Variants in ZSWIM6 observed in about 807,000 individuals in gnomAD.
The protein encoded by ZSWIM6 is zinc finger SWIM-type containing 6, also known as zinc finger SWIM domain-containing protein 6.
ZSWIM6 carries 9 observed loss-of-function variants against 113.2 expected under a neutral mutation model. That is an observed-to-expected ratio of 0.08 (90% CI 0.05 to 0.14). The LOEUF (loss-of-function observed/expected upper bound fraction) is 0.14, where lower values mean the gene tolerates loss of function less well. Ranked by LOEUF, ZSWIM6 falls within the 10% of genes least tolerant of loss-of-function variation. ZSWIM6 has a pLI of 1.00. For synonymous variants in ZSWIM6, 611 were observed against 606.5 expected (o/e 1.01, Z -0.11); for missense variants, 1,162 against 1,552.2 (o/e 0.75, Z 4.22).
At chr5:61,414,545 A>G (rs1746209949) in intron 1 of ZSWIM6, among the ~76,000 whole-genome samples, 1 of 152,222 alleles carries the variant, frequency 6.6e-6, no homozygotes, top group Non-Finnish European at 1.5e-5. Context: ...TCCTGTGCCA[A>G]CTATAAAATT....
chr5:61,447,102 ACTAAGCAGGCCCAACC>A (rs1746970664), intron 1 of ZSWIM6, among the ~76,000 whole-genome samples: 1 of 152,154 alleles, frequency 6.6e-6, no homozygotes, highest in Non-Finnish European at 1.5e-5. Flanking sequence ...AACATCATGT[ACTAAGCAGGCCCAACC>A]CTGCTTAGAA....
chr5:61,490,498 T>A (rs1254173511), intron 2 of ZSWIM6, among the ~76,000 whole-genome samples: 1 of 152,116 alleles, frequency 6.6e-6, no homozygotes, highest in Non-Finnish European at 1.5e-5. Flanking sequence ...TGAAACACTT[T>A]TGTGAATTTG....
intron 6 of ZSWIM6, 32 bp downstream of exon 6, chr5:61,526,008 G>T: frequency 1.3e-6 from 2 of 1,549,916 alleles, no homozygotes; most frequent in South Asian, 1.2e-5. Flanking sequence ...ACATTTCCAT[G>T]ACTTACTTCT....
chr5:61,450,851 C>T (rs1303196181), intron 1 of ZSWIM6, among the ~76,000 whole-genome samples: 2 of 152,118 alleles, frequency 1.3e-5, no homozygotes, highest in Non-Finnish European at 2.9e-5. Flanking sequence ...ACCCCAGGAA[C>T]ATTTGCCATG....
At chr5:61,364,402 A>G (rs1479142291) in intron 1 of ZSWIM6, among the ~76,000 whole-genome samples, 2 of 152,256 alleles carry the variant, frequency 1.3e-5, no homozygotes, top group Non-Finnish European at 2.9e-5. Context: ...TGTAGCCTGC[A>G]AACTAAGAAT....
At chr5:61,465,919 C>T (rs570057975) in intron 1 of ZSWIM6, among the ~76,000 whole-genome samples, 1 of 152,252 alleles carries the variant, frequency 6.6e-6, no homozygotes, top group South Asian at 2.1e-4. Context: ...TAATGTCTTT[C>T]TATAAGCTGT....
chr5:61,404,565 A>C (rs923301310), intron 1 of ZSWIM6, among the ~76,000 whole-genome samples: 2 of 152,218 alleles, frequency 1.3e-5, no homozygotes, highest in African/African-American at 4.8e-5. Flanking sequence ...TAAAGAGAAA[A>C]GTTCTATAGC....
intron 2 of ZSWIM6, among the ~76,000 whole-genome samples, chr5:61,480,867 G>A (rs1188865251): frequency 2.6e-5 from 4 of 151,976 alleles, no homozygotes; most frequent in South Asian, 2.1e-4. Context: ...GTAAGCCACC[G>A]ATTTAATGTT....
At chr5:61,380,168 C>T (rs1745446317) in intron 1 of ZSWIM6, among the ~76,000 whole-genome samples, 1 of 152,150 alleles carries the variant, frequency 6.6e-6, no homozygotes, top group Non-Finnish European at 1.5e-5. Context: ...CTCCACCTCC[C>T]AGGTTCAAGT....
chr5:61,527,317 A>G (rs1369925203), intron 7 of ZSWIM6, among the ~76,000 whole-genome samples: 2 of 152,102 alleles, frequency 1.3e-5, no homozygotes, highest in Non-Finnish European at 2.9e-5. Flanking sequence ...TAAGAGGGAT[A>G]GTTTTAGTTG....
Position 61,494,357 on chromosome 5 carries a change from G to A in ZSWIM6, c.1280G>A (p.Arg427Gln), listed in dbSNP as rs988985707. 12 of 1,550,956 alleles carry A rather than the reference G, an allele frequency of 7.7e-6. No individual in the cohort carries two copies. The highest frequency in any genetic ancestry group is 2.0e-5 in the Admixed American group (1 of 50,950). ...FMADPRLSLW[R>Q]QQGTAMTDKY... ...GCTGACCCTCGCCTGTCACTTTGGCGGCAACAAGGCACTGCAATGACTGAC... is the reference window on the plus strand; with the variant it reads ...GCTGACCCTCGCCTGTCACTTTGGCAGCAACAAGGCACTGCAATGACTGAC... The change falls in exon 4 of 14, where the codon CGG becomes CAG. Residue 427 changes from arginine to glutamine, a missense_variant. Physicochemically the swap from Arg to Gln is conservative, Grantham distance 43. Around this residue, in one of 4 missense-constraint regions of ZSWIM6, gnomAD observed 620 missense variants for 804.6 expected, o/e 0.77. Transcript: ENST00000252744.
intron 1 of ZSWIM6, among the ~76,000 whole-genome samples, chr5:61,397,958 G>A (rs1302318054): frequency 6.6e-6 from 1 of 152,204 alleles, no homozygotes; most frequent in Non-Finnish European, 1.5e-5. Context: ...TCATTTTCAT[G>A]TCTATACTTA....
intron 9 of ZSWIM6, among the ~76,000 whole-genome samples, chr5:61,535,189 A>G (rs553754230): frequency 6.6e-5 from 10 of 152,320 alleles, no homozygotes; most frequent in African/African-American, 2.2e-4. Context: ...GTTTTACGCT[A>G]TAGAGGGTTC....
chr5:61,530,320 C>T (rs1211848258), intron 8 of ZSWIM6, 122 bp downstream of exon 8: 2 of 998,926 alleles, frequency 2.0e-6, no homozygotes, highest in Non-Finnish European at 2.8e-6. Flanking sequence ...CTTTGGTTAG[C>T]AAGAGAGCAA....
intron 1 of ZSWIM6, among the ~76,000 whole-genome samples, chr5:61,337,099 G>A (rs1744415843): frequency 1.3e-5 from 2 of 152,106 alleles, no homozygotes; most frequent in Non-Finnish European, 2.9e-5. Context: ...TGGCCAACAG[G>A]GCGAAACCTC....
chr5:61,388,725 C>T (rs1745642677), intron 1 of ZSWIM6, among the ~76,000 whole-genome samples: 1 of 152,216 alleles, frequency 6.6e-6, no homozygotes, highest in Non-Finnish European at 1.5e-5. Flanking sequence ...ATACTCTTAA[C>T]TGCTTTGCTG....
intron 1 of ZSWIM6, among the ~76,000 whole-genome samples, chr5:61,401,525 C>T (rs1046264728): frequency 1.3e-5 from 2 of 151,902 alleles, no homozygotes; most frequent in African/African-American, 4.8e-5. Flanking sequence ...TAAAATATCT[C>T]ATATATTATG....
At position 61,332,789 on chromosome 5, in the gene ZSWIM6, GCT is replaced by G. The variant is rs1276164994; in HGVS notation, c.518_519del (p.Ala173GlyfsTer80). 4.1e-5 allele frequency: 34 copies of G among 831,892 alleles called. No individual in the cohort carries two copies. In the African/African-American group the frequency reaches 6.4e-4, roughly 16 times the overall value. The allele number at this position is 831,892 out of a possible 1,614,324, so 51.5% of individuals were successfully genotyped here. ...GGCCGCAACCTCGGCCGCCGCCGCCGCTGCCGCCGCCGCCGCCGCCGCCGCCG... is the reference window on the plus strand; with the variant it reads ...GGCCGCAACCTCGGCCGCCGCCGCCGGCCGCCGCCGCCGCCGCCGCCGCCG... ...SAAATSAAAA[A>X]AAAAAAAAAA... is the part of the protein sequence containing the mutation. On this transcript the variant is annotated frameshift_variant, in exon 1 of 14. Transcript: ENST00000252744. LOFTEE classifies it high-confidence loss of function.
rs1021768229 is a variant in ZSWIM6, at chr5:61,526,349, G to A, written c.1790G>A (p.Arg597Lys). 1 of 1,552,154 alleles carries A rather than the reference G, an allele frequency of 6.4e-7. No homozygotes were observed. The highest frequency in any genetic ancestry group is 1.2e-5 in the South Asian group (1 of 84,040). ...RLAIAIVNTL[R>K]RQQQKQLEMF... ...GCAATAGCTATTGTTAATACATTAA[G>A]ACGACAGCAGCAGAAACAGTTGGAA... The change falls in exon 7 of 14, where the codon AGA (arginine) becomes AAA (lysine). Residue 597 changes from arginine (R) to lysine (K), a missense_variant. Physicochemically the swap from Arg to Lys is conservative, Grantham distance 26 (BLOSUM62 2). Coordinates refer to ENST00000252744, the MANE Select transcript of ZSWIM6 (RefSeq NM_020928.2).
Sources: allele counts gnomAD v4.1 joint callset (sites outside exome capture counted in the v4.1 genomes callset), GRCh38; gene constraint gnomAD v4.1.1; regional missense constraint gnomAD v4.1.1; transcripts MANE v1.5; gene names NCBI Gene and HGNC (gene_info 2026-07-23, HGNC 2026-07-21).